Variants in SBF2 observed in about 807,000 individuals in gnomAD.
The protein encoded by SBF2 is SET binding factor 2, also known as myotubularin-related protein 13.
Under a neutral mutation model 225.2 loss-of-function variants are expected in SBF2, and 112 were observed. The observed-to-expected ratio is 0.50, with a 90% confidence interval of 0.43 to 0.58. The LOEUF (loss-of-function observed/expected upper bound fraction) is 0.58. Ranked by LOEUF, SBF2 falls within the 20% of genes least tolerant of loss-of-function variation. The pLI, the probability that SBF2 is intolerant of heterozygous loss-of-function variation, is 0.00. For synonymous variants in SBF2, 763 were observed against 773.3 expected, an observed-to-expected ratio of 0.99 and a Z score of 0.22; for missense variants, 1,996 against 2,206.2, an observed-to-expected ratio of 0.90 and a Z score of 1.91.
chr11:10,107,074 T>C (rs1952591430), intron 2 of SBF2, among the ~76,000 whole-genome samples: 1 of 152,218 alleles, frequency 6.6e-6, no homozygotes, highest in Non-Finnish European at 1.5e-5. Flanking sequence ...TGGTGTACAA[T>C]ATATTTGAAA....
chr11:10,127,203 A>G (rs1480136449), intron 2 of SBF2, among the ~76,000 whole-genome samples: 1 of 152,124 alleles, frequency 6.6e-6, no homozygotes, highest in Non-Finnish European at 1.5e-5. Flanking sequence ...ATGTGTATGC[A>G]TATTTTATCA....
At position 10,225,552 on chromosome 11, in the gene SBF2, T is replaced by G. The variant is rs188397153; in HGVS notation, c.56-31565A>C. Among the ~76,000 whole-genome samples the G allele has an allele frequency of 7.3e-3, 1,117 of 152,246 alleles. 9 individuals are homozygous for G. The highest frequency in any genetic ancestry group is 0.031 in the Middle Eastern group (9 of 294). ...TTATAAATAGAAATTTATTTCCTAA[T>G]AAGTGATCCATTTTTGTGTCTTGTA... On this transcript the variant is annotated intron_variant, in intron 1 of 39. Transcript: ENST00000256190.
At chr11:9,862,527 C>T (rs1325344073) in intron 17 of SBF2, among the ~76,000 whole-genome samples, 1 of 152,128 alleles carries the variant, frequency 6.6e-6, no homozygotes, top group Non-Finnish European at 1.5e-5. Context: ...AGAAATAAAG[C>T]TTTCCATTAC....
At chr11:10,033,663 A>AACACACAC (rs66939707) in intron 3 of SBF2, among the ~76,000 whole-genome samples, 6,361 of 149,722 alleles carry the variant, frequency 0.042, 163 homozygotes, top group Middle Eastern at 0.073. Flanking sequence ...GCTGTGATTA[A>AACACACAC]ACACACACAC....
chr11:10,071,334 T>C (rs1167146831), intron 2 of SBF2, among the ~76,000 whole-genome samples: 1 of 149,130 alleles, frequency 6.7e-6, no homozygotes, highest in Non-Finnish European at 1.5e-5. Flanking sequence ...TGGCGTGATC[T>C]GAGCTCACGG....
intron 1 of SBF2, among the ~76,000 whole-genome samples, chr11:10,267,157 C>A (rs1962077453): frequency 6.6e-6 from 1 of 152,200 alleles, no homozygotes; most frequent in African/African-American, 2.4e-5. Flanking sequence ...GCTATCTCTT[C>A]TTCCCTACTT....
At position 9,963,809 on chromosome 11, in the gene SBF2, T is replaced by C; in HGVS notation, c.1674A>G (p.Ser558=). The part of the protein sequence containing the change: ...QRLEVVRNCI[S]FIFENKILET... Reference sequence around the variant, plus strand: ...CCAAAATTTTATTTTCAAATATGAATGAGATACAGTTTCTGACAACTTCTA... The same window carrying C: ...CCAAAATTTTATTTTCAAATATGAACGAGATACAGTTTCTGACAACTTCTA... The change falls in exon 15 of 40, where the codon TCA becomes TCG. Residue 558 remains serine, a synonymous_variant. Coordinates refer to ENST00000256190, the MANE Select transcript of SBF2 (RefSeq NM_030962.4). The C allele has an allele frequency of 6.2e-7, 1 of 1,605,884 alleles. No individual in the cohort carries two copies. The highest frequency in any genetic ancestry group is 8.5e-7 in the Non-Finnish European group (1 of 1,173,310).
intron 2 of SBF2, among the ~76,000 whole-genome samples, chr11:10,166,960 T>C (rs1955983328): frequency 8.2e-6 from 1 of 121,798 alleles, no homozygotes; most frequent in African/African-American, 3.1e-5. Flanking sequence ...AGACTCTGTC[T>C]CCACACACAC....
intron 1 of SBF2, among the ~76,000 whole-genome samples, chr11:10,254,801 G>A (rs188480274): frequency 9.8e-4 from 144 of 147,368 alleles, no homozygotes; most frequent in African/African-American, 3.5e-3. Context: ...CTACTCAGGA[G>A]GCTGAGGCAG....
At chr11:9,857,832 G>A (rs12099354) in intron 18 of SBF2, among the ~76,000 whole-genome samples, 41,932 of 151,810 alleles carry the variant, frequency 0.28, 6,843 homozygotes, top group African/African-American at 0.45. Context: ...TTTATTACTG[G>A]CATTTTTTTA....
chr11:10,263,145 T>G (rs545648430), intron 1 of SBF2, among the ~76,000 whole-genome samples: 4 of 152,082 alleles, frequency 2.6e-5, no homozygotes, highest in Admixed American at 2.6e-4. Context: ...TGAAGGCCAA[T>G]TGATAAATCA....
At chr11:9,903,405 T>C (rs1861882870) in intron 16 of SBF2, among the ~76,000 whole-genome samples, 1 of 152,068 alleles carries the variant, frequency 6.6e-6, no homozygotes, top group Non-Finnish European at 1.5e-5. Context: ...TGGTGGCAAA[T>C]ATCTGAGTCT....
Position 10,218,656 on chromosome 11 carries a change from T to C in SBF2, c.56-24669A>G, listed in dbSNP as rs373877890. Among the ~76,000 whole-genome samples, 14 of 152,232 alleles carry C rather than the reference T, an allele frequency of 9.2e-5. 1 individual carries two copies. Among genetic ancestry groups the C allele is most frequent in the African/African-American group, 3.4e-4 (14 of 41,542 alleles). On this transcript the variant is annotated intron_variant, in intron 1 of 39. Transcript: ENST00000256190. Reference sequence around the variant, plus strand: ...AGATACAACGGAGGGTCTACAGCCATACCACCCTGAATGCACCTGATCTCA... The same window carrying C: ...AGATACAACGGAGGGTCTACAGCCACACCACCCTGAATGCACCTGATCTCA...
chr11:9,853,863 T>C, intron 19 of SBF2, 151 bp from the exon 20 acceptor site: 1 of 767,956 alleles, frequency 1.3e-6, no homozygotes, highest in Non-Finnish European at 2.3e-6. Flanking sequence ...CCTTGGTAAG[T>C]GATGGTGATA....
intron 2 of SBF2, among the ~76,000 whole-genome samples, chr11:10,192,810 AAG>A (rs1171439188): frequency 3.3e-5 from 5 of 152,216 alleles, no homozygotes; most frequent in African/African-American, 1.2e-4. Context: ...GACTGCTTTG[AAG>A]ACACTGCTTC....
At chr11:10,026,798 T>C (rs1202717337) in intron 6 of SBF2, among the ~76,000 whole-genome samples, 1 of 152,076 alleles carries the variant, frequency 6.6e-6, no homozygotes, top group African/African-American at 2.4e-5. Context: ...ATCAACAAGA[T>C]GTTCTTTGGA....
At chr11:9,997,007 T>C (rs920553527) in intron 9 of SBF2, among the ~76,000 whole-genome samples, 3 of 152,170 alleles carry the variant, frequency 2.0e-5, no homozygotes, top group African/African-American at 7.2e-5. Flanking sequence ...TTGCACTCTA[T>C]CACATCTTGC....
chr11:10,025,094 T>C (rs16907390), intron 6 of SBF2, among the ~76,000 whole-genome samples: 1,528 of 152,304 alleles, frequency 0.01, 15 homozygotes, highest in African/African-American at 0.036. Flanking sequence ...TTCATATAGT[T>C]TTGGTCCTCA....
chr11:9,797,635 G>A (rs1208754447), intron 32 of SBF2, among the ~76,000 whole-genome samples: 1 of 152,204 alleles, frequency 6.6e-6, no homozygotes, highest in Non-Finnish European at 1.5e-5. Flanking sequence ...GAAGGGATAA[G>A]AAATCATGGG....
Sources: gnomAD v4.1 joint callset for allele counts (sites outside exome capture counted in the v4.1 genomes callset) on GRCh38, gnomAD v4.1.1 for gene constraint, MANE v1.5 for transcripts, NCBI Gene and HGNC (gene_info 2026-07-23, HGNC 2026-07-21) for gene names.